The following SRRM4 variants were observed in gnomAD, a reference collection of about 807,000 sequenced individuals.
SRRM4 encodes serine/arginine repetitive matrix protein 4.
In SRRM4, 33 loss-of-function variants were observed where a neutral mutation model predicts 68.9. The ratio of observed to expected loss-of-function variants is 0.48; its 90% CI spans 0.36 to 0.64. SRRM4 has a LOEUF of 0.64. Ranked by LOEUF, SRRM4 falls within the 30% of genes least tolerant of loss-of-function variation. The pLI is 0.00. For missense variants in SRRM4, 817 were observed against 827.1 expected (o/e 0.99, Z 0.15); for synonymous variants, 318 against 318.8 (o/e 1.00, Z 0.03).
intron 2 of SRRM4, among the ~76,000 whole-genome samples, chr12:119,110,468 C>T (rs77843082): frequency 6.6e-6 from 1 of 152,236 alleles, no homozygotes; most frequent in Non-Finnish European, 1.5e-5. Context: ...CTGCAGTAGG[C>T]TCCACCTAGT....
intron 1 of SRRM4, among the ~76,000 whole-genome samples, chr12:119,059,578 T>G (rs1043363085): frequency 6.6e-6 from 1 of 152,098 alleles, no homozygotes; most frequent in Non-Finnish European, 1.5e-5. Context: ...TAGGGAAATG[T>G]CTCCCTGGCT....
At position 118,987,093 on chromosome 12, in the gene SRRM4, T is replaced by C. The variant is rs546086811; in HGVS notation, c.131+5080T>C. The stretch of plus-strand genomic sequence containing the variant: ...ATGATGAAGAGTTTGAGCTCTGAAG[T>C]CAAATCTATCCAGGCTCAAATCTTT... On this transcript the variant is annotated intron_variant, in intron 1 of 12. Coordinates refer to ENST00000267260, the MANE Select transcript of SRRM4 (RefSeq NM_194286.4). Among the ~76,000 whole-genome samples, 11 of 152,222 alleles carry C rather than the reference T, an allele frequency of 7.2e-5. No individual in the cohort carries two copies. In the East Asian group the frequency reaches 2.1e-3, roughly 30 times the overall value.
intron 1 of SRRM4, among the ~76,000 whole-genome samples, chr12:119,090,364 A>G (rs1300837250): frequency 6.6e-6 from 1 of 152,236 alleles, no homozygotes; most frequent in African/African-American, 2.4e-5. Flanking sequence ...GTGAGGAAGC[A>G]GGATAGGACA....
intron 8 of SRRM4, among the ~76,000 whole-genome samples, chr12:119,140,853 T>C (rs1408096834): frequency 6.6e-6 from 1 of 152,252 alleles, no homozygotes; most frequent in African/African-American, 2.4e-5. Flanking sequence ...GCTTTCTTTC[T>C]CTCTGCCAGG....
At chr12:119,147,076 G>A (rs897132236) in intron 9 of SRRM4, among the ~76,000 whole-genome samples, 24 of 152,288 alleles carry the variant, frequency 1.6e-4, no homozygotes, top group Admixed American at 5.9e-4. Flanking sequence ...CCTTCAGTAC[G>A]TGAATGAATA....
chr12:119,123,603 A>C (rs956723877), intron 6 of SRRM4, among the ~76,000 whole-genome samples: 1 of 152,194 alleles, frequency 6.6e-6, no homozygotes, highest in African/African-American at 2.4e-5. Flanking sequence ...CTAGCAGGGC[A>C]TCAGAAAGCT....
chr12:119,094,008 G>C (rs1954029141), intron 1 of SRRM4, among the ~76,000 whole-genome samples: 1 of 152,126 alleles, frequency 6.6e-6, no homozygotes, highest in Admixed American at 6.5e-5. Flanking sequence ...CTGCTTGGCT[G>C]AGTTGGGCAA....
chr12:119,101,488 G>A (rs1954077417), intron 1 of SRRM4, among the ~76,000 whole-genome samples: 1 of 152,036 alleles, frequency 6.6e-6, no homozygotes, highest in Non-Finnish European at 1.5e-5. Context: ...CATCAGATTG[G>A]AGATTTGGTT....
intron 1 of SRRM4, among the ~76,000 whole-genome samples, chr12:119,101,829 A>C (rs963023121): frequency 1.3e-5 from 2 of 152,198 alleles, no homozygotes; most frequent in Non-Finnish European, 2.9e-5. Flanking sequence ...GCTGGTTTCC[A>C]GCATCTCTCT....
intron 1 of SRRM4, among the ~76,000 whole-genome samples, chr12:119,075,427 AATGATGATGATGGTG>A (rs1953902737): frequency 8.9e-6 from 1 of 112,726 alleles, no homozygotes; most frequent in Non-Finnish European, 1.8e-5. Context: ...TGATGACAGT[AATGATGATGATGGTG>A]ATGATGATGG....
At chr12:119,085,182 G>A (rs1413205646) in intron 1 of SRRM4, among the ~76,000 whole-genome samples, 3 of 152,200 alleles carry the variant, frequency 2.0e-5, no homozygotes, top group South Asian at 2.1e-4. Context: ...GATTACAGGC[G>A]TGAGCCACTG....
intron 6 of SRRM4, among the ~76,000 whole-genome samples, chr12:119,123,132 C>T (rs781218882): frequency 4.6e-5 from 7 of 152,152 alleles, no homozygotes; most frequent in South Asian, 4.1e-4. Context: ...GAAAGGTAGT[C>T]GACTGCCAGG....
At chr12:119,076,001 G>A (rs75350539) in intron 1 of SRRM4, among the ~76,000 whole-genome samples, 1 of 149,282 alleles carries the variant, frequency 6.7e-6, no homozygotes, top group African/African-American at 2.5e-5. Context: ...GATGATGGTG[G>A]TGATGGTGGC....
intron 1 of SRRM4, among the ~76,000 whole-genome samples, chr12:119,062,583 T>A (rs1187713561): frequency 6.6e-6 from 1 of 152,248 alleles, no homozygotes; most frequent in Admixed American, 6.5e-5. Context: ...TCTTTTTACT[T>A]TTTAAACTTT....
intron 1 of SRRM4, among the ~76,000 whole-genome samples, chr12:119,098,672 G>A (rs1319487858): frequency 1.3e-5 from 2 of 152,156 alleles, no homozygotes; most frequent in Non-Finnish European, 2.9e-5. Flanking sequence ...AAAGGGGATA[G>A]ATCTTCCCAA....
At chr12:119,042,705 G>A (rs953035877) in intron 1 of SRRM4, among the ~76,000 whole-genome samples, 3 of 152,058 alleles carry the variant, frequency 2.0e-5, no homozygotes, top group Non-Finnish European at 4.4e-5. Context: ...GGAACTGAGA[G>A]TGGTGGAGGG....
chr12:119,014,957 G>A (rs1953472092), intron 1 of SRRM4, among the ~76,000 whole-genome samples: 1 of 152,178 alleles, frequency 6.6e-6, no homozygotes, highest in African/African-American at 2.4e-5. Context: ...GATGTTTATG[G>A]CAGCATTGCT....
intron 2 of SRRM4, among the ~76,000 whole-genome samples, chr12:119,108,205 T>C (rs1461292341): frequency 3.3e-5 from 5 of 152,234 alleles, no homozygotes; most frequent in African/African-American, 4.8e-5. Context: ...TCTGTTCTTT[T>C]ACATTTTCTG....
intron 1 of SRRM4, among the ~76,000 whole-genome samples, chr12:119,006,066 G>A (rs547733981): frequency 6.6e-6 from 1 of 152,272 alleles, no homozygotes; most frequent in African/African-American, 2.4e-5. Flanking sequence ...TGCACCAGAG[G>A]AATTTGAGAT....
Sources: gnomAD v4.1 joint callset for allele counts (sites outside exome capture counted in the v4.1 genomes callset) on GRCh38, gnomAD v4.1.1 for gene constraint, MANE v1.5 for transcripts, NCBI Gene and HGNC (gene_info 2026-07-23, HGNC 2026-07-21) for gene names.